The following ERCC6L2 variants were observed in gnomAD, a reference collection of about 807,000 sequenced individuals.
The protein encoded by ERCC6L2 is DNA excision repair protein ERCC-6-like 2.
ERCC6L2 carries 77 observed loss-of-function variants against 132.0 expected under a neutral mutation model. The ratio of observed to expected loss-of-function variants is 0.58; its 90% CI spans 0.49 to 0.71. The LOEUF is 0.71. Among genes scored for constraint, ERCC6L2 ranks in the 30% least tolerant of loss-of-function variants. ERCC6L2 has a pLI of 0.00. For missense variants in ERCC6L2, 1,542 were observed against 1,837.6 expected (o/e 0.84, Z 2.94); for synonymous variants, 583 against 632.4 (o/e 0.92, Z 1.17).
chr9:95,924,493 A>G (rs1307951518), intron 9 of ERCC6L2, among the ~76,000 whole-genome samples: 1 of 152,046 alleles, frequency 6.6e-6, no homozygotes, highest in African/African-American at 2.4e-5. Context: ...AAATATATAA[A>G]AAGTCCGGTT....
chr9:95,903,486 C>T (rs933727165), intron 3 of ERCC6L2, among the ~76,000 whole-genome samples: 1 of 152,052 alleles, frequency 6.6e-6, no homozygotes, highest in African/African-American at 2.4e-5. Flanking sequence ...GTTAACTTTG[C>T]TTGTCATTTC....
intron 17 of ERCC6L2, among the ~76,000 whole-genome samples, chr9:96,003,330 A>G (rs1833753141): frequency 6.6e-6 from 1 of 152,078 alleles, no homozygotes; most frequent in African/African-American, 2.4e-5. Context: ...ATTGAGATCT[A>G]TGGTTTTCAC....
intron 12 of ERCC6L2, among the ~76,000 whole-genome samples, chr9:95,941,823 C>T (rs1830818028): frequency 1.3e-5 from 2 of 152,092 alleles, no homozygotes; most frequent in Non-Finnish European, 2.9e-5. Flanking sequence ...TAGTTCTGTA[C>T]TAGTAGATCA....
chr9:95,916,486 C>G, intron 6 of ERCC6L2, 52 bp downstream of exon 6: 1 of 1,357,562 alleles, frequency 7.4e-7, no homozygotes, highest in East Asian at 2.6e-5. Context: ...TTTTTTTTTT[C>G]CTTTTTAAGA....
At chr9:95,979,120 C>T (rs1337117545) in intron 17 of ERCC6L2, among the ~76,000 whole-genome samples, 1 of 152,010 alleles carries the variant, frequency 6.6e-6, no homozygotes. Flanking sequence ...TATGTTCTAC[C>T]CAGATATTAT....
At chr9:95,971,841 C>G in intron 15 of ERCC6L2, 92 bp from the exon 16 acceptor site, 5 of 736,886 alleles carry the variant, frequency 6.8e-6, no homozygotes, top group Non-Finnish European at 5.7e-6. Flanking sequence ...ATACTTGTAC[C>G]TAAATTACCT....
At chr9:95,970,683 A>G (rs1448751470) in intron 15 of ERCC6L2, 27 bp downstream of exon 15, 7 of 1,276,594 alleles carry the variant, frequency 5.5e-6, no homozygotes, top group Non-Finnish European at 2.1e-6. Flanking sequence ...CCTGTAGACT[A>G]CAACACCTAG....
At chr9:95,939,945 C>A (rs682631) in intron 11 of ERCC6L2, among the ~76,000 whole-genome samples, 1,855 of 152,264 alleles carry the variant, frequency 0.012, 17 homozygotes, top group South Asian at 0.025. Flanking sequence ...CTCTTTGACA[C>A]CATGCCAGCC....
chr9:95,979,648 C>T (rs1832813896), intron 17 of ERCC6L2, among the ~76,000 whole-genome samples: 1 of 152,196 alleles, frequency 6.6e-6, no homozygotes, highest in Non-Finnish European at 1.5e-5. Flanking sequence ...TGCCAGACTA[C>T]AACTCGTGAA....
intron 4 of ERCC6L2, among the ~76,000 whole-genome samples, chr9:95,915,324 T>C (rs1186502595): frequency 6.6e-6 from 1 of 152,202 alleles, no homozygotes; most frequent in Non-Finnish European, 1.5e-5. Context: ...TTCAGAAAAA[T>C]ATTGCAATAA....
intron 12 of ERCC6L2, among the ~76,000 whole-genome samples, chr9:95,943,711 G>C (rs966204466): frequency 1.3e-5 from 2 of 152,066 alleles, no homozygotes; most frequent in African/African-American, 4.8e-5. Flanking sequence ...CTCCAAAGAA[G>C]GTATACAAGA....
intron 17 of ERCC6L2, among the ~76,000 whole-genome samples, chr9:96,003,860 A>C (rs1018760520): frequency 1.3e-5 from 2 of 152,218 alleles, no homozygotes; most frequent in Non-Finnish European, 2.9e-5. Flanking sequence ...CTACCTATTC[A>C]TACTGTATCA....
intron 4 of ERCC6L2, among the ~76,000 whole-genome samples, chr9:95,908,285 T>C (rs568141833): frequency 6.6e-6 from 1 of 152,196 alleles, no homozygotes; most frequent in East Asian, 1.9e-4. Context: ...CCGAGGCTGA[T>C]TGGGTGGGGC....
downstream of ERCC6L2, among the ~76,000 whole-genome samples, chr9:96,018,666 C>T (rs1156424952): frequency 6.7e-6 from 1 of 150,198 alleles, no homozygotes; most frequent in Non-Finnish European, 1.5e-5. Flanking sequence ...GACAGGGTTT[C>T]GCCATGTTGC....
At chr9:95,931,818 A>G (rs890678934) in intron 11 of ERCC6L2, among the ~76,000 whole-genome samples, 7 of 151,994 alleles carry the variant, frequency 4.6e-5, no homozygotes, top group Admixed American at 2.0e-4. Context: ...TGCTGGGTAC[A>G]GTAGGCTTGT....
chr9:96,033,578 A>G (rs1802607471), intron 19 of ERCC6L2, among the ~76,000 whole-genome samples: 1 of 152,220 alleles, frequency 6.6e-6, no homozygotes, highest in Non-Finnish European at 1.5e-5. Context: ...CATTGAGTCT[A>G]TGTATAACAG....
At chr9:96,033,401 T>A (rs1166877699) in intron 19 of ERCC6L2, among the ~76,000 whole-genome samples, 1 of 152,148 alleles carries the variant, frequency 6.6e-6, no homozygotes, top group African/African-American at 2.4e-5. Flanking sequence ...CGCGCCACCA[T>A]GCCTGGCTAA....
chr9:95,954,620 A>C (rs1007202734), intron 12 of ERCC6L2: 1 of 362,382 alleles, frequency 2.8e-6, no homozygotes, highest in South Asian at 2.2e-5. Context: ...TTTGTCTGTA[A>C]AGATTAAAGG....
At chr9:95,891,144 C>T (rs1210496895) in intron 2 of ERCC6L2, among the ~76,000 whole-genome samples, 5 of 152,106 alleles carry the variant, frequency 3.3e-5, no homozygotes, top group Non-Finnish European at 5.9e-5. Context: ...AGCCGGGAGG[C>T]GGAGGTTGCG....
Sources: gnomAD v4.1 joint callset for allele counts (sites outside exome capture counted in the v4.1 genomes callset) on GRCh38, gnomAD v4.1.1 for gene constraint, MANE v1.5 for transcripts, NCBI Gene and HGNC (gene_info 2026-07-23, HGNC 2026-07-21) for gene names.